Variants in ADGRE3 observed in about 807,000 individuals in gnomAD.
ADGRE3 encodes the protein EGF-like module receptor 3.
ADGRE3 carries 88 observed loss-of-function variants against 80.1 expected under a neutral mutation model. That is an observed-to-expected ratio of 1.10 (90% CI 0.93 to 1.31). The LOEUF (loss-of-function observed/expected upper bound fraction) is 1.31, where lower values mean the gene tolerates loss of function less well. Ranked by LOEUF, ADGRE3 falls within the 40% of genes most tolerant of loss-of-function variation. The pLI is 0.00. For synonymous variants in ADGRE3, 281 were observed against 294.8 expected (o/e 0.95, Z 0.48); for missense variants, 715 against 776.5 (o/e 0.92, Z 0.94).
At chr19:14,668,741 T>A (rs749659961) in intron 2 of ADGRE3, 61 bp downstream of exon 2, 1 of 1,456,606 alleles carries the variant, frequency 6.9e-7, no homozygotes, top group Non-Finnish European at 9.6e-7. Flanking sequence ...CTGGAGACCA[T>A]GAGTGGCTCC....
At chr19:14,625,678 G>T in intron 14 of ADGRE3, 79 bp from the exon 15 acceptor site, 1 of 787,466 alleles carries the variant, frequency 1.3e-6, no homozygotes, top group Non-Finnish European at 2.2e-6. Flanking sequence ...TCAGGAAGAG[G>T]ATAGAGATGT....
chr19:14,605,433 A>G, the ADGRE3 span, among the ~76,000 whole-genome samples: 1 of 152,138 alleles, frequency 6.6e-6, no homozygotes, highest in African/African-American at 2.4e-5. Flanking sequence ...TTTGGTGGTA[A>G]GTTGGGTGAG....
rs1555755857 is a variant in ADGRE3 at position 14,636,164 on chromosome 19, T to TTCC, written c.1484+1938_1484+1940dup. 1.4e-3 allele frequency among the ~76,000 whole-genome samples: 101 copies of TTCC among 71,292 alleles called. 15 individuals are homozygous for TTCC. The highest frequency in any genetic ancestry group is 4.4e-3 in the African/African-American group (83 of 18,910). The allele number at this position is 71,292 out of a possible 152,430, so 46.8% of individuals were successfully genotyped here. ...TTTCTTTCTTTCTTCCTTTCCTCCT[T>TTCC]TCCTTTCCTTTCCTTCCTCTTTCTT... On this transcript the variant is annotated intron_variant, in intron 11 of 15. Coordinates refer to ENST00000253673, the MANE Select transcript of ADGRE3 (RefSeq NM_032571.5).
chr19:14,674,488 T>G (rs1972338550), intron 1 of ADGRE3, among the ~76,000 whole-genome samples: 2 of 151,252 alleles, frequency 1.3e-5, no homozygotes, highest in African/African-American at 4.9e-5. Flanking sequence ...CAGAGTGAGA[T>G]TCTGTCTCAA....
chr19:14,648,423 T>C (rs1205295273), intron 7 of ADGRE3, among the ~76,000 whole-genome samples: 2 of 152,088 alleles, frequency 1.3e-5, no homozygotes. Flanking sequence ...TGGACAGACG[T>C]CCTAGCTCCC....
At chr19:14,654,547 G>A (rs1026387343) in intron 6 of ADGRE3, among the ~76,000 whole-genome samples, 1 of 152,086 alleles carries the variant, frequency 6.6e-6, no homozygotes, top group African/African-American at 2.4e-5. Context: ...ATACAGTCGT[G>A]AGCCATCATG....
downstream of ADGRE3, among the ~76,000 whole-genome samples, chr19:14,617,341 C>CCTCCCTCCCTCTCTCTCTTTCTTTCTTT: frequency 1.0e-4 from 6 of 57,170 alleles, no homozygotes; most frequent in Non-Finnish European, 1.8e-4. Context: ...TCCCTCCCTC[C>CCTCCCTCCCTCTCTCTCTTTCTTTCTTT]CTTTCTTTCT....
chr19:14,670,159 C>T (rs1482101781), intron 1 of ADGRE3, among the ~76,000 whole-genome samples: 1 of 152,152 alleles, frequency 6.6e-6, no homozygotes. Context: ...TTGATGGTCT[C>T]ATATGATTAT....
chr19:14,637,878 A>T (rs1440789971), intron 11 of ADGRE3, among the ~76,000 whole-genome samples: 4 of 151,792 alleles, frequency 2.6e-5, no homozygotes, highest in Non-Finnish European at 2.9e-5. Flanking sequence ...GTGGATTGGT[A>T]CGTTACTGTG....
intron 5 of ADGRE3, among the ~76,000 whole-genome samples, chr19:14,657,548 C>CTA (rs1046623177): frequency 1.5e-5 from 2 of 129,720 alleles, no homozygotes; most frequent in African/African-American, 3.3e-5. Flanking sequence ...CTATCTATAC[C>CTA]TATATCTATA....
At chr19:14,674,521 C>A (rs1972340717) in intron 1 of ADGRE3, among the ~76,000 whole-genome samples, 1 of 151,752 alleles carries the variant, frequency 6.6e-6, no homozygotes, top group South Asian at 2.1e-4. Context: ...AACAAACAAA[C>A]AAAACAAACA....
chr19:14,661,520 C>T (rs1468630939), intron 4 of ADGRE3, among the ~76,000 whole-genome samples: 4 of 152,186 alleles, frequency 2.6e-5, no homozygotes, highest in African/African-American at 9.7e-5. Context: ...TCAATCACCA[C>T]CTTGTCACAT....
chr19:14,619,544 A>G, intron 15 of ADGRE3, 73 bp from the exon 16 acceptor site: 1 of 1,186,370 alleles, frequency 8.4e-7, no homozygotes, highest in Non-Finnish European at 1.2e-6. Context: ...AACAACATGG[A>G]AAAACAGCAG....
chr19:14,638,422 G>A (rs974518585), intron 10 of ADGRE3, 82 bp from the exon 11 acceptor site: 3 of 1,000,486 alleles, frequency 3.0e-6, no homozygotes, highest in East Asian at 2.5e-5. Context: ...TTGGCTTTGG[G>A]TTCAGAGCAC....
intron 7 of ADGRE3, among the ~76,000 whole-genome samples, chr19:14,649,593 T>C (rs919720156): frequency 1.4e-5 from 2 of 147,550 alleles, no homozygotes; most frequent in Non-Finnish European, 3.0e-5. Flanking sequence ...TCCTCATCTC[T>C]CTCTTTCGAT....
chr19:14,620,537 T>TTTA (rs1568471379), intron 15 of ADGRE3, among the ~76,000 whole-genome samples: 1,232 of 18,280 alleles, frequency 0.067, 93 homozygotes, highest in African/African-American at 0.082. Context: ...TATATATATT[T>TTTA]TATATATATA....
At chr19:14,652,766 G>A (rs1403898718) in intron 6 of ADGRE3, among the ~76,000 whole-genome samples, 5 of 117,596 alleles carry the variant, frequency 4.3e-5, no homozygotes, top group Non-Finnish European at 3.3e-5. Context: ...AATAGAATGA[G>A]ACTCCATCTC....
chr19:14,621,409 T>C (rs534910962), intron 15 of ADGRE3, among the ~76,000 whole-genome samples: 96 of 151,844 alleles, frequency 6.3e-4, no homozygotes, highest in African/African-American at 2.2e-3. Flanking sequence ...GAGCCGAGAT[T>C]GCACCACTGT....
At chr19:14,635,384 C>T (rs1308519778) in intron 11 of ADGRE3, among the ~76,000 whole-genome samples, 1 of 150,970 alleles carries the variant, frequency 6.6e-6, no homozygotes, top group African/African-American at 2.4e-5. Flanking sequence ...GGGTTACAGG[C>T]GTGAACCACC....
Sources: allele counts gnomAD v4.1 joint callset (sites outside exome capture counted in the v4.1 genomes callset), GRCh38; gene constraint gnomAD v4.1.1; transcripts MANE v1.5; gene names NCBI Gene and HGNC (gene_info 2026-07-23, HGNC 2026-07-21).